Variants in WARS2 observed in about 807,000 individuals in gnomAD.
WARS2 encodes tryptophan--tRNA ligase, mitochondrial.
Under a neutral mutation model 36.5 loss-of-function variants are expected in WARS2, and 28 were observed. That is an observed-to-expected ratio of 0.77 (90% CI 0.57 to 1.05). The LOEUF is 1.05. Ranked by LOEUF, WARS2 falls within the 50% of genes least tolerant of loss-of-function variation. WARS2 has a pLI of 0.00. For synonymous variants in WARS2, 174 were observed against 178.4 expected (o/e 0.98, Z 0.20); for missense variants, 435 against 456.8 (o/e 0.95, Z 0.44).
chr1:119,123,863 G>T (rs1414928785), intron 1 of WARS2, among the ~76,000 whole-genome samples: 1 of 151,394 alleles, frequency 6.6e-6, no homozygotes, highest in Non-Finnish European at 1.5e-5. Context: ...CTATCTCAAG[G>T]CTTTCAGCAC....
intron 2 of WARS2, among the ~76,000 whole-genome samples, chr1:119,066,310 T>C (rs539225266): frequency 5.9e-4 from 90 of 151,290 alleles, no homozygotes; most frequent in Middle Eastern, 3.4e-3. Flanking sequence ...AACCCCGTCT[T>C]TACTAAAAAT....
At chr1:119,113,954 CTAAGTTA>C (rs1036135522) in intron 1 of WARS2, among the ~76,000 whole-genome samples, 9 of 152,180 alleles carry the variant, frequency 5.9e-5, no homozygotes, top group South Asian at 4.2e-4. Context: ...CTTGTCTATT[CTAAGTTA>C]TATCTAATAA....
intron 1 of WARS2, among the ~76,000 whole-genome samples, chr1:119,128,319 C>A (rs1282008135): frequency 6.6e-6 from 1 of 152,110 alleles, no homozygotes; most frequent in East Asian, 1.9e-4. Flanking sequence ...GATCCACTCA[C>A]CTCAGCCTCC....
At chr1:119,099,792 A>G (rs1653727049) in intron 1 of WARS2, among the ~76,000 whole-genome samples, 1 of 152,234 alleles carries the variant, frequency 6.6e-6, no homozygotes, top group African/African-American at 2.4e-5. Flanking sequence ...TACCATATAC[A>G]GAAATCAACT....
chr1:119,126,984 A>G (rs1360816024), intron 1 of WARS2: 3 of 737,618 alleles, frequency 4.1e-6, no homozygotes, highest in African/African-American at 1.7e-5. Context: ...CATGGGTAAG[A>G]TCCATGCCAT....
At chr1:119,120,672 A>G (rs1182443530) in intron 1 of WARS2, among the ~76,000 whole-genome samples, 1 of 152,046 alleles carries the variant, frequency 6.6e-6, no homozygotes, top group Non-Finnish European at 1.5e-5. Context: ...ATTCAACACA[A>G]TATCAAAAAG....
At chr1:119,098,883 C>G (rs1304680946) in intron 1 of WARS2, among the ~76,000 whole-genome samples, 3 of 152,078 alleles carry the variant, frequency 2.0e-5, no homozygotes, top group Non-Finnish European at 4.4e-5. Context: ...ATTACAGATG[C>G]ATGCCACCAT....
chr1:119,080,936 T>A (rs1357227702), intron 1 of WARS2, among the ~76,000 whole-genome samples: 16 of 152,202 alleles, frequency 1.1e-4, no homozygotes, highest in Non-Finnish European at 1.8e-4. Flanking sequence ...CATCACAGTA[T>A]GCAGAGGATT....
intron 2 of WARS2, among the ~76,000 whole-genome samples, chr1:119,045,981 A>G (rs1648776708): frequency 6.6e-6 from 1 of 152,118 alleles, no homozygotes. Context: ...TAAAAAGCCA[A>G]GCTTATTAAG....
At chr1:119,058,390 C>T in intron 2 of WARS2, among the ~76,000 whole-genome samples, 1 of 109,418 alleles carries the variant, frequency 9.1e-6, no homozygotes, top group Non-Finnish European at 1.9e-5. Context: ...ATGTGCCATG[C>T]TGGTGCGCTG....
chr1:119,127,469 T>C (rs1360808824), intron 1 of WARS2, among the ~76,000 whole-genome samples: 2 of 152,204 alleles, frequency 1.3e-5, no homozygotes, highest in African/African-American at 4.8e-5. Flanking sequence ...CTCGATGTTC[T>C]TATCGATGTT....
rs1369223570 is a variant in WARS2 at position 119,033,154 on chromosome 1, G to A, written c.840C>T (p.Ala280=). 5 of 1,614,004 alleles carry A rather than the reference G, an allele frequency of 3.1e-6. No homozygotes were observed. The highest frequency in any genetic ancestry group is 2.2e-5 in the South Asian group (2 of 91,092). ...AGVSNIVAVH[A]AVTGLSVEEV... ...CCTCCACGGAGAGCCCCGTCACCGC[G>A]GCATGCACCGCCACTATGTTGGACA... The change falls in exon 6 of 6, where the codon GCC becomes GCT. Residue 280 remains alanine, a synonymous_variant. Coordinates refer to ENST00000235521, the MANE Select transcript of WARS2 (RefSeq NM_015836.4).
At chr1:119,035,460 C>T (rs555177271) in intron 4 of WARS2, among the ~76,000 whole-genome samples, 1 of 151,984 alleles carries the variant, frequency 6.6e-6, no homozygotes, top group South Asian at 2.1e-4. Context: ...AACACGTATA[C>T]TAATTGATAG....
In WARS2 at chr1:119,140,356, GA is replaced by G. The variant is rs144299657; in HGVS notation, c.90+198del. 4.5e-3 allele frequency: 1,922 copies of G among 425,782 alleles called. 35 individuals carry two copies. The highest frequency in any genetic ancestry group is 0.035 in the African/African-American group (1,729 of 49,056). 26.4% of individuals were successfully genotyped at this position (425,782 alleles called of 1,614,324 possible). On this transcript the variant is annotated intron_variant, in intron 1 of 5. Coordinates refer to ENST00000235521, the MANE Select transcript of WARS2 (RefSeq NM_015836.4). ...GAAAGCGGCGCGCTTTTTCCACCAAGAAACCTTTACGTCATCACGTATCCTT... is the reference window on the plus strand; with the variant it reads ...GAAAGCGGCGCGCTTTTTCCACCAAGAACCTTTACGTCATCACGTATCCTT...
chr1:119,104,765 C>CAA (rs35255724), intron 1 of WARS2, among the ~76,000 whole-genome samples: 135 of 119,364 alleles, frequency 1.1e-3, no homozygotes, highest in Middle Eastern at 8.5e-3. Flanking sequence ...AAGAAGAGGC[C>CAA]AAAAAAAAAA....
At chr1:119,098,829 T>G (rs908081369) in intron 1 of WARS2, among the ~76,000 whole-genome samples, 3 of 152,112 alleles carry the variant, frequency 2.0e-5, no homozygotes, top group Non-Finnish European at 4.4e-5. Context: ...CTCCACCTCC[T>G]GGATACAAGT....
intron 1 of WARS2, among the ~76,000 whole-genome samples, chr1:119,099,785 C>T (rs1653725678): frequency 6.6e-6 from 1 of 152,122 alleles, no homozygotes; most frequent in Admixed American, 6.5e-5. Flanking sequence ...TATCTCTTAC[C>T]ATATACAGAA....
chr1:119,099,029 G>A (rs1653670852), intron 1 of WARS2, among the ~76,000 whole-genome samples: 1 of 152,160 alleles, frequency 6.6e-6, no homozygotes, highest in South Asian at 2.1e-4. Context: ...GAGCCACCAT[G>A]CCCGGCCCTG....
intron 3 of WARS2, among the ~76,000 whole-genome samples, chr1:119,045,003 T>G (rs1648671511): frequency 6.6e-6 from 1 of 152,188 alleles, no homozygotes; most frequent in Non-Finnish European, 1.5e-5. Flanking sequence ...GAAATTAGTG[T>G]TGACGTAGTT....
Sources: gnomAD v4.1 joint callset for allele counts (sites outside exome capture counted in the v4.1 genomes callset) on GRCh38, gnomAD v4.1.1 for gene constraint, MANE v1.5 for transcripts, NCBI Gene and HGNC (gene_info 2026-07-23, HGNC 2026-07-21) for gene names.